SMG1: variants seen among roughly 807,000 people sequenced by gnomAD.
SMG1 encodes serine/threonine-protein kinase SMG1.
Under a neutral mutation model 419.9 loss-of-function variants are expected in SMG1, and 22 were observed. The observed-to-expected ratio is 0.05, with a 90% CI of 0.04 to 0.07. The LOEUF is 0.07. Among genes scored for constraint, SMG1 ranks in the 10% least tolerant of loss-of-function variants. The pLI, the probability that SMG1 is intolerant of heterozygous loss-of-function variation, is 1.00. For synonymous variants in SMG1, 1,538 were observed against 1,553.5 expected, an observed-to-expected ratio of 0.99 and a Z score of 0.23; for missense variants, 3,185 against 4,342.0, an observed-to-expected ratio of 0.73 and a Z score of 7.49.
intron 33 of SMG1, among the ~76,000 whole-genome samples, chr16:18,851,117 A>G (rs2034566845): frequency 6.6e-6 from 1 of 152,234 alleles, no homozygotes; most frequent in Admixed American, 6.5e-5. Context: ...TACACAGAAT[A>G]CATATACTAA....
At chr16:18,872,731 T>C in intron 13 of SMG1, 107 bp from the exon 14 acceptor site, 1 of 1,036,614 alleles carries the variant, frequency 9.6e-7, no homozygotes, top group Non-Finnish European at 1.4e-6. Flanking sequence ...TAAATTAAAA[T>C]TACAGACTGC....
intron 13 of SMG1, among the ~76,000 whole-genome samples, chr16:18,873,973 T>C (rs1345902203): frequency 6.6e-6 from 1 of 152,220 alleles, no homozygotes; most frequent in Non-Finnish European, 1.5e-5. Flanking sequence ...GAAGAATTTA[T>C]TGTGACTTCA....
At chr16:18,868,062 G>T in intron 22 of SMG1, 128 bp downstream of exon 22, 5 of 783,034 alleles carry the variant, frequency 6.4e-6, no homozygotes, top group Non-Finnish European at 8.2e-6. Context: ...CAAAATACAG[G>T]ATCAAAACCT....
rs1369788720 is a variant in SMG1 at position 18,854,961 on chromosome 16, A to C, written c.4235-57T>G. On this transcript the variant is annotated intron_variant, in intron 29 of 62. Coordinates refer to ENST00000446231, the MANE Select transcript of SMG1 (RefSeq NM_015092.5). ...AATTTGTCTAAACCAGACTGCATGG[A>C]AACATGGCCAAAAAATTATTCCCCA... The C allele has an allele frequency of 3.3e-6, 5 of 1,521,762 alleles. No individual in the cohort carries two copies. In the Admixed American group the frequency reaches 6.2e-5, roughly 19 times the overall value. 94.3% of individuals were successfully genotyped at this position (1,521,762 alleles called of 1,614,324 possible).
At chr16:18,838,981 TTC>T (rs1304107058) in intron 42 of SMG1, among the ~76,000 whole-genome samples, 1 of 152,062 alleles carries the variant, frequency 6.6e-6, no homozygotes, top group African/African-American at 2.4e-5. Context: ...AAATTTTTTA[TTC>T]TTTTTTTTGT....
chr16:18,834,507 A>C, intron 49 of SMG1, 69 bp from the exon 50 acceptor site: 2 of 1,418,930 alleles, frequency 1.4e-6, no homozygotes, highest in Non-Finnish European at 1.9e-6. Context: ...TGGCCGGGTC[A>C]AGGCCATGCC....
chr16:18,852,371 T>C lies in SMG1; in HGVS notation c.4860A>G (p.Ala1620=). ...ACCTATAAGCCCAGCTGGCCAACGCTGCCCAAGATTTGGCTACTTCAGGTG... is the reference window on the plus strand; with the variant it reads ...ACCTATAAGCCCAGCTGGCCAACGCCGCCCAAGATTTGGCTACTTCAGGTG... ...VQAPEVAKSW[A]ALASWAYRWG... Residue 1620 remains alanine (A), a synonymous_variant, in exon 32 of 63, where the codon GCA becomes GCG. Coordinates refer to ENST00000446231, the MANE Select transcript of SMG1 (RefSeq NM_015092.5). 1.2e-6 allele frequency: 2 copies of C among 1,613,860 alleles called. No individual in the cohort carries two copies. The highest frequency in any genetic ancestry group is 1.7e-6 in the Non-Finnish European group (2 of 1,179,832).
chr16:18,904,701 C>A lies in SMG1; in HGVS notation c.93-7745G>T, dbSNP rs546696322. On this transcript the variant is annotated intron_variant, in intron 1 of 62. Coordinates refer to ENST00000446231, the MANE Select transcript of SMG1 (RefSeq NM_015092.5). ...CCTGTAATCCCAGCACTTTGGGAGG[C>A]CGAGGTGGGTGGATCATGACGTCAG... 1.3e-3 allele frequency among the ~76,000 whole-genome samples: 184 copies of A among 146,426 alleles called. 2 individuals carry two copies. The highest frequency in any genetic ancestry group is 4.2e-3 in the African/African-American group (165 of 39,668).
At position 18,868,775 on chromosome 16, in the gene SMG1, AG is replaced by A. The variant is rs1325221663; in HGVS notation, c.2834-57del. The A allele has an allele frequency of 3.9e-6, 3 of 763,180 alleles. No homozygotes were observed. The African/African-American group carries it at 5.3e-5, about 13-fold the overall frequency. 47.3% of individuals were successfully genotyped at this position (763,180 alleles called of 1,614,324 possible). A position where few individuals can be genotyped will look rare whatever the true frequency, so the allele number is the denominator to read the frequency against. On this transcript the variant is annotated intron_variant, in intron 20 of 62. Transcript: ENST00000446231. ...AAAAATCTTAAAAGTTCCTAGAATA[AG>A]TGTGAGTTTTTTATGACCAATTCAC... is the stretch of plus-strand genomic sequence containing the variant.
At chr16:18,924,685 C>T (rs1038933537) in intron 1 of SMG1, among the ~76,000 whole-genome samples, 1 of 152,036 alleles carries the variant, frequency 6.6e-6, no homozygotes, top group African/African-American at 2.4e-5. Context: ...GACTAAACAT[C>T]TCAATTCTAG....
At chr16:18,892,436 T>C (rs1200210086) in intron 3 of SMG1, 82 bp from the exon 4 acceptor site, 1 of 1,134,018 alleles carries the variant, frequency 8.8e-7, no homozygotes, top group Non-Finnish European at 1.2e-6. Flanking sequence ...AAAAATTATT[T>C]AAATAATAAC....
At chr16:18,835,672 C>G (rs997884074) in intron 48 of SMG1, among the ~76,000 whole-genome samples, 1 of 151,974 alleles carries the variant, frequency 6.6e-6, no homozygotes, top group African/African-American at 2.4e-5. Flanking sequence ...TTGGGAGGCC[C>G]AGGCAGGCAG....
At chr16:18,836,263 G>A in intron 47 of SMG1, 51 bp from the exon 48 acceptor site, 2 of 1,593,144 alleles carry the variant, frequency 1.3e-6, no homozygotes, top group Non-Finnish European at 1.7e-6. Context: ...CAAGTCAGCT[G>A]TCACTAAAAG....
In SMG1 at chr16:18,859,608, C is replaced by A; in HGVS notation, c.3901G>T (p.Ala1301Ser). The change falls in exon 27 of 63, where the codon GCA becomes TCA. Residue 1301 changes from alanine to serine, a missense_variant. Around this residue, in one of 27 missense-constraint regions of SMG1, gnomAD observed 120 missense variants for 193.3 expected, o/e 0.62. Transcript: ENST00000446231. The stretch of plus-strand genomic sequence containing the variant: ...TGTTCTATCGGGTTTAAAGCAGTTG[C>A]CAAACAAACAGAACTTCTTAACAAT... ...VQLLRSSVCL[A>S]TALNPIEQDQ... The A allele has an allele frequency of 6.2e-7, 1 of 1,607,780 alleles. No individual in the cohort carries two copies. Among genetic ancestry groups the A allele is most frequent in the East Asian group, 2.2e-5 (1 of 44,826 alleles).
At chr16:18,850,492 G>A (rs1313628520) in intron 33 of SMG1, 25 bp from the exon 34 acceptor site, 1 of 1,519,634 alleles carries the variant, frequency 6.6e-7, no homozygotes, top group African/African-American at 1.4e-5. Context: ...TGCACAAAAT[G>A]CTATTTTAAA....
chr16:18,820,415 G>T (rs2032419405), intron 55 of SMG1, among the ~76,000 whole-genome samples: 1 of 151,510 alleles, frequency 6.6e-6, no homozygotes, highest in Non-Finnish European at 1.5e-5. Flanking sequence ...TGTTGCCCAG[G>T]CTGGTCTCAA....
Position 18,882,222 on chromosome 16 carries a change from A to T in SMG1, c.1236T>A (p.Ile412=), listed in dbSNP as rs1177767663. 1 of 1,605,510 alleles carries T rather than the reference A, an allele frequency of 6.2e-7. No homozygotes were observed. Among genetic ancestry groups the T allele is most frequent in the Non-Finnish European group, 8.5e-7 (1 of 1,176,646 alleles). The change falls in exon 10 of 63, where the codon ATT becomes ATA. Residue 412 remains isoleucine, a synonymous_variant. Transcript: ENST00000446231. Reference sequence around the variant, plus strand: ...CCCGAATTGGGCTGAAGCGTTCCCCAATGCTCCTCACCACAGTACTAAATA... The same window carrying T: ...CCCGAATTGGGCTGAAGCGTTCCCCTATGCTCCTCACCACAGTACTAAATA... ...LRVFSTVVRS[I]GERFSPIRGP...
intron 39 of SMG1, among the ~76,000 whole-genome samples, chr16:18,842,672 A>G (rs1032863651): frequency 3.9e-5 from 6 of 152,108 alleles, no homozygotes; most frequent in Non-Finnish European, 1.5e-5. Context: ...AAAGAATACA[A>G]AAGTTAGTCA....
intron 1 of SMG1, among the ~76,000 whole-genome samples, chr16:18,922,568 G>T (rs184874594): frequency 1.9e-4 from 29 of 152,262 alleles, no homozygotes; most frequent in Admixed American, 1.2e-3. Flanking sequence ...AGGTTCAAGT[G>T]ATTCTCCTGC....
Sources: allele counts gnomAD v4.1 joint callset (sites outside exome capture counted in the v4.1 genomes callset), GRCh38; gene constraint gnomAD v4.1.1; regional missense constraint gnomAD v4.1.1; transcripts MANE v1.5; gene names NCBI Gene and HGNC (gene_info 2026-07-23, HGNC 2026-07-21).